The following SORCS3 variants were observed in gnomAD, a reference collection of about 807,000 sequenced individuals.
SORCS3 encodes the protein VPS10 domain-containing receptor SorCS3.
Under a neutral mutation model 146.3 loss-of-function variants are expected in SORCS3, and 57 were observed. The observed-to-expected ratio is 0.39, with a 90% CI of 0.31 to 0.49. The LOEUF is 0.49. SORCS3 is among the 20% of genes least tolerant of loss of function. The probability of loss-of-function intolerance (pLI) is 0.92; values close to 1 mark genes in which losing one functional copy is unlikely to be tolerated. For synonymous variants in SORCS3, 653 were observed against 618.5 expected, an observed-to-expected ratio of 1.06 and a Z score of -0.83; for missense variants, 1,341 against 1,575.5, an observed-to-expected ratio of 0.85 and a Z score of 2.52.
chr10:105,217,732 C>T, intron 19 of SORCS3: 1 of 445,684 alleles, frequency 2.2e-6, no homozygotes, highest in South Asian at 1.6e-5. Flanking sequence ...TGGCACAAAC[C>T]AAAAGAACAG....
At chr10:105,247,133 G>T (rs1335583944) in intron 21 of SORCS3, 86 bp from the exon 22 acceptor site, 4 of 597,610 alleles carry the variant, frequency 6.7e-6, no homozygotes, top group South Asian at 3.0e-5. Context: ...TTTACCAAAA[G>T]CACAGTGATG....
At chr10:104,717,901 G>A (rs1589470383) in intron 1 of SORCS3, among the ~76,000 whole-genome samples, 1 of 152,284 alleles carries the variant, frequency 6.6e-6, no homozygotes, top group East Asian at 1.9e-4. Context: ...AGCACTTTGA[G>A]AGGCCGAGGC....
intron 4 of SORCS3, among the ~76,000 whole-genome samples, chr10:104,990,202 C>T (rs2054985234): frequency 6.6e-6 from 1 of 152,216 alleles, no homozygotes; most frequent in African/African-American, 2.4e-5. Flanking sequence ...TCAGCTCTTT[C>T]ACTGTCATGT....
chr10:105,145,395 G>A (rs766339846), intron 8 of SORCS3, among the ~76,000 whole-genome samples: 5 of 151,864 alleles, frequency 3.3e-5, no homozygotes, highest in East Asian at 3.9e-4. Flanking sequence ...ACACAGCCCC[G>A]GGAAAGCATT....
chr10:104,781,023 A>G (rs1420905224), intron 1 of SORCS3, among the ~76,000 whole-genome samples: 1 of 152,216 alleles, frequency 6.6e-6, no homozygotes, highest in Non-Finnish European at 1.5e-5. Flanking sequence ...TACTGGTGGT[A>G]ATAGATGGAA....
intron 25 of SORCS3, among the ~76,000 whole-genome samples, chr10:105,260,977 T>C (rs1377082521): frequency 6.6e-6 from 1 of 152,162 alleles, no homozygotes; most frequent in Non-Finnish European, 1.5e-5. Flanking sequence ...TATAGTAAAG[T>C]AGAAAGAGCA....
rs373342841 is a variant in SORCS3, at chr10:105,223,092, G to C, written c.2735-24G>C. The C allele has an allele frequency of 2.3e-5, 36 of 1,584,502 alleles. No homozygotes were observed. In the African/African-American group the frequency reaches 4.1e-4, roughly 18 times the overall value. The stretch of plus-strand genomic sequence containing the variant: ...TGACCACATCCAGAATATAAACACT[G>C]ACTTTTTTTTTCTGTTTCCTTAGGT... On this transcript the variant is annotated intron_variant, in intron 19 of 26. Transcript: ENST00000369701.
intron 5 of SORCS3, among the ~76,000 whole-genome samples, chr10:105,065,339 T>C (rs562679866): frequency 3.3e-5 from 5 of 152,112 alleles, no homozygotes; most frequent in Non-Finnish European, 4.4e-5. Context: ...CACAGATAAG[T>C]ATATCTATTG....
At chr10:104,902,288 G>A (rs1485492355) in intron 2 of SORCS3, among the ~76,000 whole-genome samples, 3 of 152,182 alleles carry the variant, frequency 2.0e-5, no homozygotes, top group African/African-American at 7.2e-5. Flanking sequence ...TCTGGCTCCT[G>A]TCAGCACCTT....
intron 11 of SORCS3, among the ~76,000 whole-genome samples, chr10:105,160,630 A>G (rs1445422277): frequency 6.6e-6 from 1 of 152,216 alleles, no homozygotes; most frequent in Non-Finnish European, 1.5e-5. Context: ...CTGGCTCAAT[A>G]AATAATAAAT....
At chr10:105,058,284 G>T (rs1420438191) in intron 5 of SORCS3, among the ~76,000 whole-genome samples, 3 of 152,180 alleles carry the variant, frequency 2.0e-5, no homozygotes, top group African/African-American at 2.4e-5. Context: ...TAAAAGCACT[G>T]GGGGATTTAA....
At chr10:104,740,439 G>A (rs528776849) in intron 1 of SORCS3, among the ~76,000 whole-genome samples, 5 of 152,138 alleles carry the variant, frequency 3.3e-5, no homozygotes, top group Admixed American at 6.5e-5. Flanking sequence ...CTGTTTCGAC[G>A]CACCTCCTCT....
chr10:104,945,332 A>C (rs1464885889), intron 3 of SORCS3, among the ~76,000 whole-genome samples: 1 of 152,088 alleles, frequency 6.6e-6, no homozygotes, highest in Non-Finnish European at 1.5e-5. Flanking sequence ...GCTCAGGCTC[A>C]CTGCAACCTC....
At chr10:104,773,963 C>T (rs560507342) in intron 1 of SORCS3, among the ~76,000 whole-genome samples, 2 of 152,194 alleles carry the variant, frequency 1.3e-5, no homozygotes, top group Non-Finnish European at 2.9e-5. Flanking sequence ...TCTACTGAAT[C>T]AGAATTTGCA....
chr10:104,835,100 G>T (rs1206450595), intron 1 of SORCS3, among the ~76,000 whole-genome samples: 1 of 152,148 alleles, frequency 6.6e-6, no homozygotes, highest in Non-Finnish European at 1.5e-5. Context: ...GGCACTGTTT[G>T]TCTTATTCTG....
At chr10:105,160,142 T>G (rs2056250024) in intron 11 of SORCS3, among the ~76,000 whole-genome samples, 1 of 152,166 alleles carries the variant, frequency 6.6e-6, no homozygotes, top group African/African-American at 2.4e-5. Context: ...ACAGGAGGTC[T>G]GAACTGGAAG....
intron 1 of SORCS3, among the ~76,000 whole-genome samples, chr10:104,833,639 C>T (rs1184314290): frequency 6.6e-6 from 1 of 152,156 alleles, no homozygotes; most frequent in Non-Finnish European, 1.5e-5. Flanking sequence ...GGTTTTTCTG[C>T]CTCGTTTCAC....
chr10:104,941,035 G>A (rs527362354), intron 3 of SORCS3, among the ~76,000 whole-genome samples: 1 of 152,150 alleles, frequency 6.6e-6, no homozygotes, highest in African/African-American at 2.4e-5. Flanking sequence ...TGTTGCCATG[G>A]CATTTGTAAA....
intron 14 of SORCS3, among the ~76,000 whole-genome samples, chr10:105,189,749 C>A (rs1340949687): frequency 2.0e-5 from 3 of 152,116 alleles, no homozygotes; most frequent in Non-Finnish European, 4.4e-5. Context: ...CCTTAGTTTC[C>A]CCAGCTAGCA....
Sources: gnomAD v4.1 joint callset for allele counts (sites outside exome capture counted in the v4.1 genomes callset) on GRCh38, gnomAD v4.1.1 for gene constraint, MANE v1.5 for transcripts, NCBI Gene and HGNC (gene_info 2026-07-23, HGNC 2026-07-21) for gene names.